Variants in RABL3 observed in about 807,000 individuals in gnomAD.
The protein encoded by RABL3 is rab-like protein 3.
RABL3 carries 31 observed loss-of-function variants against 31.8 expected under a neutral mutation model. The ratio of observed to expected loss-of-function variants is 0.97; its 90% confidence interval spans 0.73 to 1.31. The LOEUF (loss-of-function observed/expected upper bound fraction) is 1.31, where lower values mean the gene tolerates loss of function less well. RABL3 is among the 40% of genes most tolerant of loss of function. RABL3 has a pLI of 0.00. For missense variants in RABL3, 263 were observed against 279.6 expected (o/e 0.94, Z 0.42); for synonymous variants, 97 against 99.9 (o/e 0.97, Z 0.18).
rs943735833 is a variant in RABL3, at chr3:120,689,014, G to A, written c.*809C>T. 6.6e-6 allele frequency: 1 copy of A among 152,088 alleles called. No individual in the cohort carries two copies. Among genetic ancestry groups the A allele is most frequent in the South Asian group, 2.1e-4 (1 of 4,804 alleles). 9.4% of individuals were successfully genotyped at this position (152,088 alleles called of 1,614,324 possible). On this transcript the variant is annotated 3_prime_UTR_variant, in exon 8 of 8. Coordinates refer to ENST00000273375, the MANE Select transcript of RABL3 (RefSeq NM_173825.5). Reference sequence around the variant, plus strand: ...TCCTTAAAAAAACAAATAGAGAGGAGGCTGTAAATGTCTCTCACTGCCCTT... The same window carrying A: ...TCCTTAAAAAAACAAATAGAGAGGAAGCTGTAAATGTCTCTCACTGCCCTT...
chr3:120,698,590 TGAA>T lies in RABL3; in HGVS notation c.384-20_384-18del. ...TCATAATCCCTGTGATAAATAATAA[TGAA>T]GAGGTGAATAGAATGTATCTTTCTG... On this transcript the variant is annotated intron_variant, in intron 4 of 7. Coordinates refer to ENST00000273375, the MANE Select transcript of RABL3 (RefSeq NM_173825.5). The T allele has an allele frequency of 1.3e-6, 2 of 1,593,176 alleles. No homozygotes were observed. Among genetic ancestry groups the T allele is most frequent in the Non-Finnish European group, 1.7e-6 (2 of 1,164,136 alleles).
intron 1 of RABL3, among the ~76,000 whole-genome samples, chr3:120,742,243 C>A (rs1709053771): frequency 2.0e-5 from 3 of 150,688 alleles, no homozygotes; most frequent in Admixed American, 2.0e-4. Flanking sequence ...GCCGCGAAGG[C>A]AAAAGACCCG....
intron 4 of RABL3, among the ~76,000 whole-genome samples, chr3:120,702,582 G>A (rs1708504941): frequency 2.0e-5 from 3 of 150,810 alleles, no homozygotes; most frequent in Non-Finnish European, 3.0e-5. Context: ...TTTTGAGACG[G>A]AGTCTCACTC....
At chr3:120,717,628 C>T (rs558643314) in intron 2 of RABL3, among the ~76,000 whole-genome samples, 1 of 152,152 alleles carries the variant, frequency 6.6e-6, no homozygotes, top group Admixed American at 6.5e-5. Context: ...GCCACCACGC[C>T]CAGCTAATTT....
intron 2 of RABL3, among the ~76,000 whole-genome samples, chr3:120,712,134 A>G (rs941350053): frequency 6.6e-6 from 1 of 152,098 alleles, no homozygotes; most frequent in African/African-American, 2.4e-5. Flanking sequence ...CTTATTCACA[A>G]TTTTTTTGTC....
intron 4 of RABL3, among the ~76,000 whole-genome samples, chr3:120,704,065 A>G (rs1708522562): frequency 6.6e-6 from 1 of 152,226 alleles, no homozygotes; most frequent in African/African-American, 2.4e-5. Context: ...TGAGGCCAAC[A>G]TTATCCTCAC....
At chr3:120,697,695 G>T (rs1233604937) in intron 5 of RABL3, among the ~76,000 whole-genome samples, 1 of 152,154 alleles carries the variant, frequency 6.6e-6, no homozygotes, top group African/African-American at 2.4e-5. Flanking sequence ...TAGTCCTTAT[G>T]AAGCACTCCT....
chr3:120,742,383 T>A lies in RABL3; in HGVS notation c.46+79A>T. The A allele has an allele frequency of 2.9e-6, 4 of 1,367,458 alleles. No homozygotes were observed. The Admixed American group carries it at 5.1e-5, about 17-fold the overall frequency. The allele number at this position is 1,367,458 out of a possible 1,614,324, so 84.7% of individuals were successfully genotyped here. A position where few individuals can be genotyped will look rare whatever the true frequency, so the allele number is the denominator to read the frequency against. On this transcript the variant is annotated intron_variant, in intron 1 of 7. Coordinates refer to ENST00000273375, the MANE Select transcript of RABL3 (RefSeq NM_173825.5). Reference sequence around the variant, plus strand: ...GCCACGGGCCGAGGAGCCAGGAAGTTGAGGGAAGGAAGCTAAGGGGAGGGT... The same window carrying A: ...GCCACGGGCCGAGGAGCCAGGAAGTAGAGGGAAGGAAGCTAAGGGGAGGGT...
chr3:120,742,625 G>C, upstream of RABL3: 1 of 1,035,438 alleles, frequency 9.7e-7, no homozygotes, highest in East Asian at 2.5e-5. Context: ...TGTCTTGATC[G>C]AAGGTTTCAC....
chr3:120,719,001 A>G (rs1340511824), intron 2 of RABL3, among the ~76,000 whole-genome samples: 1 of 152,224 alleles, frequency 6.6e-6, no homozygotes, highest in Non-Finnish European at 1.5e-5. Flanking sequence ...TGAGGAATAG[A>G]CAAATTCACA....
rs147381011 is a variant in RABL3 at position 120,726,718 on chromosome 3, G to A, written c.138+3978C>T. Reference sequence around the variant, plus strand: ...AAGATCGTGCCACTGCACTCCAGCCGGAGCAACAGAGTGGGACTCCATCTC... The same window carrying A: ...AAGATCGTGCCACTGCACTCCAGCCAGAGCAACAGAGTGGGACTCCATCTC... On this transcript the variant is annotated intron_variant, in intron 2 of 7. Transcript: ENST00000273375. Among the ~76,000 whole-genome samples, 1,155 of 151,652 alleles carry A rather than the reference G, an allele frequency of 7.6e-3. 15 individuals are homozygous for A. The highest frequency in any genetic ancestry group is 0.026 in the African/African-American group (1,095 of 41,334).
intron 2 of RABL3, among the ~76,000 whole-genome samples, chr3:120,721,671 C>A (rs1708743649): frequency 6.6e-6 from 1 of 152,200 alleles, no homozygotes; most frequent in South Asian, 2.1e-4. Flanking sequence ...CACCCAGATT[C>A]ATAAAGCAAG....
At chr3:120,733,500 T>G (rs553027413) in intron 1 of RABL3, among the ~76,000 whole-genome samples, 9,717 of 152,228 alleles carry the variant, frequency 0.064, 435 homozygotes, top group East Asian at 0.19. Context: ...TTTCTCCCAT[T>G]CTGTAGGTTG....
In RABL3 at chr3:120,694,240, TA is replaced by T; in HGVS notation, c.535-17del. The stretch of plus-strand genomic sequence containing the variant: ...TTGTGCAGTCCTAGAAGATAAAACA[TA>T]AGATCCACAATTGAAAGTTAGGAAA... On this transcript the variant is annotated splice_polypyrimidine_tract_variant and intron_variant, in intron 5 of 7. Coordinates refer to ENST00000273375, the MANE Select transcript of RABL3 (RefSeq NM_173825.5). The T allele has an allele frequency of 6.3e-7, 1 of 1,582,816 alleles. No homozygotes were observed. Among genetic ancestry groups the T allele is most frequent in the Non-Finnish European group, 8.6e-7 (1 of 1,156,736 alleles).
intron 3 of RABL3, among the ~76,000 whole-genome samples, chr3:120,707,489 T>C (rs1158429965): frequency 1.3e-5 from 2 of 152,174 alleles, no homozygotes; most frequent in Non-Finnish European, 2.9e-5. Context: ...TGAAGAATTA[T>C]TATTATCTTT....
At chr3:120,710,849 CA>C (rs1708605026) in intron 2 of RABL3, among the ~76,000 whole-genome samples, 1 of 152,144 alleles carries the variant, frequency 6.6e-6, no homozygotes, top group African/African-American at 2.4e-5. Context: ...CTTTTCACAG[CA>C]AAAGTCCTCC....
intron 6 of RABL3, among the ~76,000 whole-genome samples, chr3:120,691,527 C>T (rs1708380064): frequency 6.6e-6 from 1 of 152,172 alleles, no homozygotes; most frequent in African/African-American, 2.4e-5. Context: ...TTCTGCCTAA[C>T]TGTAGGCTAA....
At chr3:120,731,750 A>G (rs1029765726) in intron 1 of RABL3, among the ~76,000 whole-genome samples, 1 of 152,178 alleles carries the variant, frequency 6.6e-6, no homozygotes, top group Admixed American at 6.5e-5. Flanking sequence ...TTTACAATCT[A>G]GAAAGTATGC....
chr3:120,699,517 A>C (rs767829660), intron 4 of RABL3, among the ~76,000 whole-genome samples: 1 of 152,222 alleles, frequency 6.6e-6, no homozygotes, highest in Non-Finnish European at 1.5e-5. Context: ...ACACGTTATA[A>C]GCTCAACTTA....
Sources: gnomAD v4.1 joint callset for allele counts (sites outside exome capture counted in the v4.1 genomes callset) on GRCh38, gnomAD v4.1.1 for gene constraint, MANE v1.5 for transcripts, NCBI Gene and HGNC (gene_info 2026-07-23, HGNC 2026-07-21) for gene names.